PKNOX2: variants seen among roughly 807,000 people sequenced by gnomAD.
PKNOX2 encodes the protein PBX/knotted 1 homeobox 2.
In PKNOX2, 14 loss-of-function variants were observed where a neutral mutation model predicts 53.1. The observed-to-expected ratio is 0.26, with a 90% confidence interval of 0.17 to 0.41. The LOEUF (loss-of-function observed/expected upper bound fraction) is 0.41, where lower values mean the gene tolerates loss of function less well. Ranked by LOEUF, PKNOX2 falls within the 10% of genes least tolerant of loss-of-function variation. The pLI is 1.00. For synonymous variants in PKNOX2, 257 were observed against 242.8 expected, an observed-to-expected ratio of 1.06 and a Z score of -0.54; for missense variants, 496 against 602.8, an observed-to-expected ratio of 0.82 and a Z score of 1.85.
At chr11:125,315,898 G>A (rs1462984627) in intron 2 of PKNOX2, among the ~76,000 whole-genome samples, 1 of 152,186 alleles carries the variant, frequency 6.6e-6, no homozygotes, top group Non-Finnish European at 1.5e-5. Context: ...CCCTGTGTAA[G>A]AGCAGGAGTC....
In PKNOX2 at chr11:125,317,118, TC is replaced by T. The variant is rs1430085325; in HGVS notation, c.-129-14700del. Reference sequence around the variant, plus strand: ...CCATAAGAAGCAATTTCTTATTCATTCAAGTTTGACCATGAGATTGCAGCAG... The same window carrying T: ...CCATAAGAAGCAATTTCTTATTCATTAAGTTTGACCATGAGATTGCAGCAG... On this transcript the variant is annotated intron_variant, in intron 2 of 12. Coordinates refer to ENST00000298282, the MANE Select transcript of PKNOX2 (RefSeq NM_001382323.2). 3.9e-5 allele frequency among the ~76,000 whole-genome samples: 6 copies of T among 152,358 alleles called. No homozygotes were observed. The East Asian group carries it at 7.7e-4, about 20-fold the overall frequency.
At chr11:125,301,560 T>C (rs1210440840) in intron 2 of PKNOX2, among the ~76,000 whole-genome samples, 1 of 152,000 alleles carries the variant, frequency 6.6e-6, no homozygotes, top group East Asian at 1.9e-4. Flanking sequence ...GACTCCTGCA[T>C]AAAGAGATGG....
chr11:125,398,883 G>A (rs1174972863), intron 7 of PKNOX2, among the ~76,000 whole-genome samples: 2 of 152,244 alleles, frequency 1.3e-5, no homozygotes, highest in Non-Finnish European at 2.9e-5. Flanking sequence ...GGAGTCCTCT[G>A]TAGCCTCTTC....
At chr11:125,337,226 C>G (rs573628137) in intron 3 of PKNOX2, among the ~76,000 whole-genome samples, 1 of 152,130 alleles carries the variant, frequency 6.6e-6, no homozygotes, top group African/African-American at 2.4e-5. Context: ...GTGGAAGGGT[C>G]GTTACAACGT....
intron 2 of PKNOX2, among the ~76,000 whole-genome samples, chr11:125,290,425 T>G (rs183426171): frequency 6.6e-6 from 1 of 151,936 alleles, no homozygotes; most frequent in African/African-American, 2.4e-5. Flanking sequence ...AGACTGAGGG[T>G]TTTTTACATC....
chr11:125,346,723 T>C lies in PKNOX2; in HGVS notation c.-22-4561T>C, dbSNP rs191234424. 3.8e-4 allele frequency among the ~76,000 whole-genome samples: 57 copies of C among 148,628 alleles called. 1 individual carries two copies. The Middle Eastern group carries it at 0.01, about 27-fold the overall frequency. ...CAAGAAGCATTCCTAGCGGCCCTCATGACTGCCTCTTAGCTGCTATGGAAG... is the reference window on the plus strand; with the variant it reads ...CAAGAAGCATTCCTAGCGGCCCTCACGACTGCCTCTTAGCTGCTATGGAAG... On this transcript the variant is annotated intron_variant, in intron 3 of 12. Coordinates refer to ENST00000298282, the MANE Select transcript of PKNOX2 (RefSeq NM_001382323.2).
chr11:125,361,677 C>T (rs2136246901), intron 4 of PKNOX2, among the ~76,000 whole-genome samples: 1 of 152,302 alleles, frequency 6.6e-6, no homozygotes, highest in Middle Eastern at 3.4e-3. Flanking sequence ...TCATCATTTA[C>T]ATTACGTATA....
In PKNOX2 at chr11:125,352,485, C is replaced by T. The variant is rs906468814; in HGVS notation, c.87+1093C>T. Among the ~76,000 whole-genome samples, 11 of 152,148 alleles carry T rather than the reference C, an allele frequency of 7.2e-5. No homozygotes were observed. Among genetic ancestry groups the T allele is most frequent in the East Asian group, 1.9e-4 (1 of 5,190 alleles). ...AACACAGTGGTTCTCATGGGCCACA[C>T]GGAAGATTTGTGCAGCATGAAAGGG... is the stretch of plus-strand genomic sequence containing the variant. On this transcript the variant is annotated intron_variant, in intron 4 of 12. Transcript: ENST00000298282. This position sits in a 1 kb window ranked among gnomAD's most constrained non-coding sequence, Gnocchi z 4.1.
At chr11:125,231,282 G>A (rs1169836428) in intron 1 of PKNOX2, among the ~76,000 whole-genome samples, 1 of 152,190 alleles carries the variant, frequency 6.6e-6, no homozygotes. Context: ...CCTTGAGGAT[G>A]CAGAGACAAG....
chr11:125,249,408 C>T (rs767850054), intron 2 of PKNOX2, among the ~76,000 whole-genome samples: 2 of 152,096 alleles, frequency 1.3e-5, no homozygotes, highest in Non-Finnish European at 2.9e-5. Flanking sequence ...TCCACATCCA[C>T]GAATTCAATC....
intron 2 of PKNOX2, among the ~76,000 whole-genome samples, chr11:125,267,480 G>A (rs1326467366): frequency 6.6e-6 from 1 of 152,204 alleles, no homozygotes; most frequent in African/African-American, 2.4e-5. Context: ...TTATGTGAGG[G>A]AGAGGAAGAA....
intron 1 of PKNOX2, among the ~76,000 whole-genome samples, chr11:125,178,897 A>C (rs1214256610): frequency 6.6e-6 from 1 of 152,088 alleles, no homozygotes; most frequent in Non-Finnish European, 1.5e-5. Flanking sequence ...CTTATCTGTA[A>C]GTTGGTACAG....
At chr11:125,333,681 C>T (rs570250903) in intron 3 of PKNOX2, among the ~76,000 whole-genome samples, 2 of 152,132 alleles carry the variant, frequency 1.3e-5, no homozygotes, top group Non-Finnish European at 2.9e-5. Flanking sequence ...CTGGCAAGGA[C>T]AATTTTTGCA....
rs184493524 is a variant in PKNOX2 at position 125,319,986 on chromosome 11, T to C, written c.-129-11833T>C. Among the ~76,000 whole-genome samples the C allele has an allele frequency of 6.0e-4, 92 of 152,314 alleles. No individual in the cohort carries two copies. In the East Asian group the frequency reaches 0.016, roughly 27 times the overall value. On this transcript the variant is annotated intron_variant, in intron 2 of 12. Transcript: ENST00000298282. ...GATCTCAAGAATGGGAAAGCCATAT[T>C]GTGCTTGAAACAAGGGAGGTATGAC...
chr11:125,351,157 GGCGT>G (rs1360971349), intron 3 of PKNOX2, 123 bp from the exon 4 acceptor site: 2 of 697,508 alleles, frequency 2.9e-6, no homozygotes, highest in African/African-American at 3.5e-5. Flanking sequence ...TGCCCTGAAG[GGCGT>G]GCAACCCTTG....
Position 125,165,656 on chromosome 11 carries a change from C to G in PKNOX2, c.-201+880C>G, listed in dbSNP as rs772341900. ...GAGGGGCTACACGCACGGACCCTCACCCAGGGAGGAGCGAGAATGTGTAGG... is the reference window on the plus strand; with the variant it reads ...GAGGGGCTACACGCACGGACCCTCAGCCAGGGAGGAGCGAGAATGTGTAGG... On this transcript the variant is annotated intron_variant, in intron 1 of 12. Transcript: ENST00000298282. The surrounding 1 kb of genome is among the most constrained non-coding windows in gnomAD (Gnocchi z 4.5). 2.6e-5 allele frequency among the ~76,000 whole-genome samples: 4 copies of G among 152,164 alleles called. No homozygotes were observed. Among genetic ancestry groups the G allele is most frequent in the Non-Finnish European group, 4.4e-5 (3 of 68,020 alleles).
chr11:125,360,595 G>C (rs1951871267), intron 4 of PKNOX2, among the ~76,000 whole-genome samples: 1 of 152,148 alleles, frequency 6.6e-6, no homozygotes, highest in Non-Finnish European at 1.5e-5. Context: ...GCCTGTTCCT[G>C]CACTTGAACT....
intron 1 of PKNOX2, among the ~76,000 whole-genome samples, chr11:125,168,287 T>C (rs1231705996): frequency 2.0e-5 from 3 of 152,256 alleles, no homozygotes; most frequent in Non-Finnish European, 2.9e-5. Flanking sequence ...GACTAGGTCC[T>C]AACACAGAAA....
chr11:125,217,076 C>A (rs1460149560), intron 1 of PKNOX2, among the ~76,000 whole-genome samples: 3 of 151,932 alleles, frequency 2.0e-5, no homozygotes, highest in African/African-American at 7.3e-5. Context: ...CCCAGTCATA[C>A]ACACAGAGTC....
Sources: allele counts gnomAD v4.1 joint callset (sites outside exome capture counted in the v4.1 genomes callset), GRCh38; gene constraint gnomAD v4.1.1; non-coding constraint Gnocchi (gnomAD v3.1); transcripts MANE v1.5; gene names NCBI Gene and HGNC (gene_info 2026-07-23, HGNC 2026-07-21).